ALG13: variants seen among roughly 807,000 people sequenced by gnomAD.
The protein encoded by ALG13 is UDP-N-acetylglucosamine transferase subunit ALG13.
In ALG13, 11 loss-of-function variants were observed where a neutral mutation model predicts 87.8. The ratio of observed to expected loss-of-function variants is 0.13; its 90% CI spans 0.08 to 0.21. The LOEUF (loss-of-function observed/expected upper bound fraction) is 0.21. Ranked by LOEUF, ALG13 falls within the 10% of genes least tolerant of loss-of-function variation. The pLI is 1.00. For missense variants in ALG13, 756 were observed against 866.1 expected, an observed-to-expected ratio of 0.87 and a Z score of 1.60; for synonymous variants, 320 against 306.3, an observed-to-expected ratio of 1.04 and a Z score of -0.47.
intron 16 of ALG13, 134 bp downstream of exon 16, chrX:111,727,189 C>A: frequency 1.1e-6 from 1 of 910,936 alleles, no homozygotes; most frequent in Admixed American, 2.9e-5. Flanking sequence ...TAATAGTTAG[C>A]CCTAATGCCA....
intron 2 of ALG13, among the ~76,000 whole-genome samples, 177 bp from the exon 3 acceptor site, chrX:111,684,788 T>A (rs1017347937): frequency 1.8e-5 from 2 of 112,644 alleles, no homozygotes; most frequent in African/African-American, 6.5e-5. Context: ...TTTCTAGCAC[T>A]TTTTATTAGA....
In ALG13 at chrX:111,720,077, C is replaced by T. The variant is rs957127439; in HGVS notation, c.1251-18C>T. The T allele has an allele frequency of 1.2e-5, 14 of 1,138,734 alleles. No individual in the cohort carries two copies. Among genetic ancestry groups the T allele is most frequent in the Non-Finnish European group, 1.6e-5 (14 of 848,755 alleles). The allele number at this position is 1,138,734 out of a possible 1,213,427, so 93.8% of individuals were successfully genotyped here. ...CTTCATTTATAAAAAGCTCTTTGCT[C>T]TAAATCTTTTGAATTAGGATGGAAG... On this transcript the variant is annotated intron_variant, in intron 10 of 26. Transcript: ENST00000394780.
At chrX:111,725,668 T>C (rs905165364) in intron 15 of ALG13, among the ~76,000 whole-genome samples, 1 of 111,783 alleles carries the variant, frequency 8.9e-6, no homozygotes, top group African/African-American at 3.3e-5. Flanking sequence ...CCAGTTACCT[T>C]GATTTGATCA....
intron 24 of ALG13, among the ~76,000 whole-genome samples, chrX:111,748,468 T>C (rs1349417945): frequency 8.9e-6 from 1 of 112,184 alleles, no homozygotes; most frequent in African/African-American, 3.2e-5. Context: ...GTGAAGTATG[T>C]AAAGTGTGTG....
intron 2 of ALG13, among the ~76,000 whole-genome samples, chrX:111,682,578 G>T (rs1007546750): frequency 8.9e-5 from 10 of 112,227 alleles, no homozygotes; most frequent in African/African-American, 2.9e-4. Flanking sequence ...TATGACAATT[G>T]AGAACTTTAC....
At chrX:111,686,521 A>C (rs1934968788) in intron 3 of ALG13, among the ~76,000 whole-genome samples, 1 of 111,833 alleles carries the variant, frequency 8.9e-6, no homozygotes, top group Admixed American at 9.5e-5. Flanking sequence ...TTCATTGATT[A>C]TTTCAGGAGT....
chrX:111,725,371 A>C (rs1004399566), intron 15 of ALG13, among the ~76,000 whole-genome samples: 1 of 111,387 alleles, frequency 9.0e-6, no homozygotes, highest in African/African-American at 3.3e-5. Context: ...TTCTTAAGGG[A>C]CTTTGTGTAA....
At chrX:111,737,312 A>G (rs1943339040) in intron 23 of ALG13, among the ~76,000 whole-genome samples, 1 of 112,416 alleles carries the variant, frequency 8.9e-6, no homozygotes, top group South Asian at 3.7e-4. Context: ...GATCTGGGTT[A>G]GAATCCTGGT....
At position 111,736,872 on chromosome X, in the gene ALG13, C is replaced by T; in HGVS notation, c.2688C>T (p.Gly896=). 1 of 1,202,636 alleles carries T rather than the reference C, an allele frequency of 8.3e-7. No homozygotes were observed. Among genetic ancestry groups the T allele is most frequent in the South Asian group, 1.8e-5 (1 of 54,581 alleles). ...QPLFVSPPTH[G]RPVIASPSYP... is the part of the protein sequence containing the mutation. ...TCTTTGTATCTCCACCTACACACGG[C>T]AGGCCAGGTAGGTTATTAGCAGATG... The change falls in exon 23 of 27, where the codon GGC becomes GGT. Residue 896 remains glycine (G), a synonymous_variant. Coordinates refer to ENST00000394780, the MANE Select transcript of ALG13 (RefSeq NM_001099922.3).
At chrX:111,697,315 G>A (rs1259373093) in intron 3 of ALG13, among the ~76,000 whole-genome samples, 1 of 111,661 alleles carries the variant, frequency 9.0e-6, no homozygotes, top group African/African-American at 3.3e-5. Flanking sequence ...ATTATAATAT[G>A]CAAAGTTTGC....
At chrX:111,707,882 C>A in intron 3 of ALG13, 145 bp from the exon 4 acceptor site, 1 of 663,305 alleles carries the variant, frequency 1.5e-6, no homozygotes, top group Non-Finnish European at 2.2e-6. Context: ...CTTTTCTCAA[C>A]CTTGGTCTGA....
Position 111,713,272 on chromosome X carries a change from T to C in ALG13, c.980T>C (p.Val327Ala). 1 of 1,191,009 alleles carries C rather than the reference T, an allele frequency of 8.4e-7. No homozygotes were observed. The highest frequency in any genetic ancestry group is 1.1e-6 in the Non-Finnish European group (1 of 879,325). ...TTTCCTGGAAAACCTCCAACTTATGTCACAGATAATGGCTATGAAGACAAG... is the reference window on the plus strand; with the variant it reads ...TTTCCTGGAAAACCTCCAACTTATGCCACAGATAATGGCTATGAAGACAAG... Reference protein sequence around the residue: ...YRFPGKPPTYVTDNGYEDKIL... With the variant: ...YRFPGKPPTYATDNGYEDKIL... The change falls in exon 8 of 27, where the codon GTC (valine) becomes GCC (alanine). Residue 327 changes from valine (V) to alanine (A), a missense_variant. Physicochemically the swap from Val to Ala is moderately conservative, Grantham distance 64. This residue lies in a region of ALG13 where 60 missense variants were observed against 54.5 expected (regional missense o/e 1.10). Coordinates refer to ENST00000394780, the MANE Select transcript of ALG13 (RefSeq NM_001099922.3).
At chrX:111,733,136 T>C (rs1471405147) in intron 21 of ALG13, among the ~76,000 whole-genome samples, 1 of 111,747 alleles carries the variant, frequency 8.9e-6, no homozygotes, top group Non-Finnish European at 1.9e-5. Flanking sequence ...CTCTTTGTCT[T>C]TAATTTTTAA....
At chrX:111,728,487 A>G (rs1165768244) in intron 19 of ALG13, among the ~76,000 whole-genome samples, 182 bp downstream of exon 19, 1 of 111,762 alleles carries the variant, frequency 8.9e-6, no homozygotes, top group Non-Finnish European at 1.9e-5. Context: ...TTCTCAGAAG[A>G]GTAGACTTCT....
chrX:111,732,843 G>A (rs1052719251), intron 21 of ALG13, among the ~76,000 whole-genome samples: 3 of 111,078 alleles, frequency 2.7e-5, no homozygotes, highest in African/African-American at 9.8e-5. Context: ...CCCATTTCCT[G>A]CCACCATTAC....
intron 3 of ALG13, among the ~76,000 whole-genome samples, chrX:111,697,191 A>G (rs1485508357): frequency 1.8e-5 from 2 of 111,468 alleles, no homozygotes; most frequent in Non-Finnish European, 3.8e-5. Flanking sequence ...TAGGTGATCT[A>G]TGGAGGGAAG....
Position 111,736,759 on chromosome X carries a change from G to A in ALG13, c.2575G>A (p.Val859Ile). 8.3e-7 allele frequency: 1 copy of A among 1,210,778 alleles called. No individual in the cohort carries two copies. The highest frequency in any genetic ancestry group is 1.1e-6 in the Non-Finnish European group (1 of 894,930). The change falls in exon 23 of 27, where the codon GTT (valine) becomes ATT (isoleucine). Residue 859 changes from valine to isoleucine, a missense_variant. Transcript: ENST00000394780. ...AGTTGCAGCTTCCTGTGCCAATAAT[G>A]TTCCAGCTCCAGTCTTATCTAACGG... is the stretch of plus-strand genomic sequence containing the variant. The part of the protein sequence containing the change: ...AAVAASCANN[V>I]PAPVLSNGAA...
Position 111,759,915 on chromosome X carries a change from A to T in ALG13, c.3330A>T (p.Gln1110His), listed in dbSNP as rs761412613. 2.6e-5 allele frequency: 31 copies of T among 1,208,464 alleles called. No homozygotes were observed. The highest frequency in any genetic ancestry group is 3.0e-5 in the Non-Finnish European group (27 of 894,768). The part of the protein sequence containing the change: ...PVGTAYGGSS[Q>H]IHGAINPGPI... Reference sequence around the variant, plus strand: ...GTACAGCATATGGTGGTTCTTCTCAAATTCATGGTGCTATAAATCCTGGGC... The same window carrying T: ...GTACAGCATATGGTGGTTCTTCTCATATTCATGGTGCTATAAATCCTGGGC... The change falls in exon 27 of 27, where the codon CAA becomes CAT. Residue 1110 changes from glutamine to histidine, a missense_variant. Physicochemically the swap from Gln to His is conservative, Grantham distance 24 (BLOSUM62 0). This residue lies in a region of ALG13 where 110 missense variants were observed against 104.9 expected (regional missense o/e 1.05). Coordinates refer to ENST00000394780, the MANE Select transcript of ALG13 (RefSeq NM_001099922.3).
rs2148000975 is a variant in ALG13, at chrX:111,708,519, G to C, written c.750+126G>C. Reference sequence around the variant, plus strand: ...CTAGTGAAAACATCGGGCCTGTCAAGGTCCTAGAGAGAAGCTGCCTGCTCT... The same window carrying C: ...CTAGTGAAAACATCGGGCCTGTCAACGTCCTAGAGAGAAGCTGCCTGCTCT... On this transcript the variant is annotated intron_variant, in intron 4 of 26. Transcript: ENST00000394780. The C allele has an allele frequency of 5.9e-6, 5 of 844,697 alleles. No homozygotes were observed. In the East Asian group the frequency reaches 1.3e-4, roughly 21 times the overall value. The allele number at this position is 844,697 out of a possible 1,213,427, so 69.6% of individuals were successfully genotyped here.
Sources: allele counts gnomAD v4.1 joint callset (sites outside exome capture counted in the v4.1 genomes callset), GRCh38; gene constraint gnomAD v4.1.1; regional missense constraint gnomAD v4.1.1; transcripts MANE v1.5; gene names NCBI Gene and HGNC (gene_info 2026-07-23, HGNC 2026-07-21).